Variants in ANTXRL observed in about 807,000 individuals in gnomAD.
The protein encoded by ANTXRL is anthrax toxin receptor-like.
In ANTXRL, 63 loss-of-function variants were observed where a neutral mutation model predicts 75.4. The ratio of observed to expected loss-of-function variants is 0.84; its 90% CI spans 0.68 to 1.03. The LOEUF is 1.03. ANTXRL is among the 50% of genes least tolerant of loss of function. The probability of loss-of-function intolerance (pLI) is 0.00; values close to 1 mark genes in which losing one functional copy is unlikely to be tolerated. For synonymous variants in ANTXRL, 335 were observed against 291.3 expected (o/e 1.15, Z -1.53); for missense variants, 797 against 789.4 (o/e 1.01, Z -0.12).
At chr10:46,298,645 G>T (rs1181547581) in intron 9 of ANTXRL, among the ~76,000 whole-genome samples, 1 of 151,708 alleles carries the variant, frequency 6.6e-6, no homozygotes, top group East Asian at 1.9e-4. Context: ...TGGTGTGCAG[G>T]TATGTGGTGT....
At chr10:46,328,519 C>T (rs1199802030) in intron 16 of ANTXRL, among the ~76,000 whole-genome samples, 1 of 152,130 alleles carries the variant, frequency 6.6e-6, no homozygotes, top group African/African-American at 2.4e-5. Context: ...CAATGTCCAA[C>T]AATTCCTATT....
intron 12 of ANTXRL, among the ~76,000 whole-genome samples, chr10:46,307,812 C>A (rs1364870690): frequency 3.3e-5 from 5 of 152,118 alleles, no homozygotes; most frequent in African/African-American, 1.2e-4. Context: ...TGACCCTGGC[C>A]CCTGAGCCTG....
chr10:46,306,129 T>C (rs1176126269), intron 10 of ANTXRL, among the ~76,000 whole-genome samples: 1 of 152,202 alleles, frequency 6.6e-6, no homozygotes, highest in Non-Finnish European at 1.5e-5. Flanking sequence ...CATGCCACTC[T>C]CTCAGCCCCA....
intron 16 of ANTXRL, among the ~76,000 whole-genome samples, chr10:46,324,471 C>T (rs1419595598): frequency 6.6e-6 from 1 of 152,134 alleles, no homozygotes; most frequent in Non-Finnish European, 1.5e-5. Context: ...AACAAATCTT[C>T]AACCTCATCC....
At chr10:46,313,411 C>G in intron 16 of ANTXRL, 95 bp downstream of exon 16, 1 of 1,273,998 alleles carries the variant, frequency 7.8e-7, no homozygotes, top group African/African-American at 1.5e-5. Flanking sequence ...AGAGCCATGT[C>G]AGGCATCTGC....
chr10:46,293,279 A>T (rs111902946), intron 2 of ANTXRL, among the ~76,000 whole-genome samples: 6,321 of 30,050 alleles, frequency 0.21, 504 homozygotes, highest in African/African-American at 0.38. Flanking sequence ...TGCGTGTGTG[A>T]GAGTGTGTGC....
intron 2 of ANTXRL, among the ~76,000 whole-genome samples, chr10:46,293,515 G>A (rs1837167666): frequency 8.5e-6 from 1 of 117,318 alleles, no homozygotes; most frequent in African/African-American, 3.1e-5. Flanking sequence ...ACCTGTGTGT[G>A]TGTGTGCCTC....
rs1324465133 is a variant in ANTXRL at position 46,295,583 on chromosome 10, GGTTAGA to G, written c.393-400_393-395del. On this transcript the variant is annotated intron_variant, in intron 3 of 16. Transcript: ENST00000620264. ...GGTTCAGGGTTAAAGTTAGGGTTTG[GGTTAGA>G]GTTAGAGTTAGAGTTAGAGTTAGAG... Among the ~76,000 whole-genome samples the G allele has an allele frequency of 3.7e-3, 124 of 33,132 alleles. 27 individuals carry two copies. Among genetic ancestry groups the G allele is most frequent in the East Asian group, 0.027 (40 of 1,466 alleles). The allele number at this position is 33,132 out of a possible 152,430, so 21.7% of individuals were successfully genotyped here. A position where few individuals can be genotyped will look rare whatever the true frequency, so the allele number is the denominator to read the frequency against.
At chr10:46,311,403 G>A in intron 14 of ANTXRL, 107 bp from the exon 15 acceptor site, 1 of 1,397,252 alleles carries the variant, frequency 7.2e-7, no homozygotes, top group Non-Finnish European at 9.3e-7. Context: ...CCTCCACTGT[G>A]GTGTGGGTTT....
At chr10:46,308,742 G>C (rs1281809771) in intron 12 of ANTXRL, 2 of 350,332 alleles carry the variant, frequency 5.7e-6, no homozygotes, top group Non-Finnish European at 1.1e-5. Flanking sequence ...GAGAGGCTGT[G>C]GGGGATGGAC....
At chr10:46,319,967 A>G (rs997514266) in intron 16 of ANTXRL, among the ~76,000 whole-genome samples, 4 of 152,182 alleles carry the variant, frequency 2.6e-5, no homozygotes, top group Admixed American at 1.3e-4. Flanking sequence ...CAACTGTAGC[A>G]AAAAGGAGAT....
At chr10:46,295,968 T>A in intron 3 of ANTXRL, 51 bp from the exon 4 acceptor site, 1 of 1,468,306 alleles carries the variant, frequency 6.8e-7, no homozygotes, top group Non-Finnish European at 9.2e-7. Context: ...GGAGCTGATT[T>A]TTAACAGTCA....
chr10:46,311,595 TA>T lies in ANTXRL; in HGVS notation c.1262del (p.Asn421ThrfsTer6). The T allele has an allele frequency of 1.4e-6, 2 of 1,441,104 alleles. No homozygotes were observed. Among genetic ancestry groups the T allele is most frequent in the Non-Finnish European group, 9.4e-7 (1 of 1,060,084 alleles). 89.3% of individuals were successfully genotyped at this position (1,441,104 alleles called of 1,614,324 possible). ...CTCCCGCCTCCGCCCCCAGCTCCTG[TA>T]AACACCTGCCCCACTGTGATTATTT... ...PPLPPPPPAPVNTCPTVIICC... is the reference protein window; with the variant it reads ...PPLPPPPPAPXNTCPTVIICC... On this transcript the variant is annotated frameshift_variant, in exon 15 of 17. Coordinates refer to ENST00000620264, the MANE Select transcript of ANTXRL (RefSeq NM_001278688.3). LOFTEE classifies it high-confidence loss of function.
intron 16 of ANTXRL, among the ~76,000 whole-genome samples, chr10:46,317,022 G>T (rs1838765684): frequency 6.6e-6 from 1 of 152,184 alleles, no homozygotes; most frequent in African/African-American, 2.4e-5. Context: ...ACCCTGAGCT[G>T]CTGGGATAGG....
chr10:46,308,725 G>A (rs1838250454), intron 12 of ANTXRL: 5 of 341,172 alleles, frequency 1.5e-5, no homozygotes, highest in South Asian at 1.2e-4. Context: ...GAGCCTGGAA[G>A]TGGGGAGAGA....
intron 10 of ANTXRL, among the ~76,000 whole-genome samples, chr10:46,306,324 C>T (rs1369219762): frequency 3.3e-5 from 5 of 152,232 alleles, no homozygotes; most frequent in Admixed American, 6.5e-5. Context: ...CCTGCCCCCA[C>T]CTGCTTTCCT....
At position 46,307,345 on chromosome 10, in the gene ANTXRL, G is replaced by C. The variant is rs1554962161; in HGVS notation, c.966-57G>C. On this transcript the variant is annotated intron_variant, in intron 11 of 16. Transcript: ENST00000620264. Reference sequence around the variant, plus strand: ...CCTCTCATTACCCATGCTGTCCAAGGGCAAGAACTGCATCTCTCTGGACTG... The same window carrying C: ...CCTCTCATTACCCATGCTGTCCAAGCGCAAGAACTGCATCTCTCTGGACTG... 1.0e-5 allele frequency: 13 copies of C among 1,271,198 alleles called. No homozygotes were observed. In the South Asian group the frequency reaches 1.7e-4, roughly 16 times the overall value. 78.7% of individuals were successfully genotyped at this position (1,271,198 alleles called of 1,614,324 possible).
At chr10:46,305,167 C>A (rs1837998193) in intron 10 of ANTXRL, among the ~76,000 whole-genome samples, 1 of 152,212 alleles carries the variant, frequency 6.6e-6, no homozygotes, top group African/African-American at 2.4e-5. Flanking sequence ...GCACCCCCAA[C>A]TAGATGGCAG....
intron 2 of ANTXRL, among the ~76,000 whole-genome samples, chr10:46,293,556 A>AGTGTGCCT (rs1554957485): frequency 1.4e-5 from 2 of 144,314 alleles, no homozygotes; most frequent in Non-Finnish European, 3.0e-5. Context: ...TATGTGTGTG[A>AGTGTGCCT]GTGTGTGCCT....
Sources: gnomAD v4.1 joint callset for allele counts (sites outside exome capture counted in the v4.1 genomes callset) on GRCh38, gnomAD v4.1.1 for gene constraint, MANE v1.5 for transcripts, NCBI Gene and HGNC (gene_info 2026-07-23, HGNC 2026-07-21) for gene names.